The following CLASP1 variants were observed in gnomAD, a reference collection of about 807,000 sequenced individuals.
CLASP1 encodes CLIP-associating protein 1.
CLASP1 carries 38 observed loss-of-function variants against 192.3 expected under a neutral mutation model. The ratio of observed to expected loss-of-function variants is 0.20; its 90% CI spans 0.15 to 0.26. The LOEUF is 0.26. Ranked by LOEUF, CLASP1 falls within the 10% of genes least tolerant of loss-of-function variation. The pLI, the probability that CLASP1 is intolerant of heterozygous loss-of-function variation, is 1.00. For synonymous variants in CLASP1, 691 were observed against 712.8 expected (o/e 0.97, Z 0.49); for missense variants, 1,433 against 1,932.5 (o/e 0.74, Z 4.85).
At chr2:121,597,467 T>C (rs117373642) in intron 2 of CLASP1, among the ~76,000 whole-genome samples, 2,055 of 152,248 alleles carry the variant, frequency 0.013, 59 homozygotes, top group South Asian at 0.1. Flanking sequence ...AGAGAGATAG[T>C]GTGTATGTGT....
At chr2:121,460,398 A>G (rs1358575618) in intron 11 of CLASP1, among the ~76,000 whole-genome samples, 3 of 152,190 alleles carry the variant, frequency 2.0e-5, no homozygotes, top group African/African-American at 7.2e-5. Context: ...ATCTTAAAGT[A>G]TTTATAGATC....
intron 37 of CLASP1, among the ~76,000 whole-genome samples, chr2:121,353,937 C>T (rs1368587649): frequency 6.6e-6 from 1 of 152,132 alleles, no homozygotes; most frequent in African/African-American, 2.4e-5. Context: ...ATTACAGGCA[C>T]ACATAATATT....
chr2:121,444,236 G>A (rs753739674), intron 19 of CLASP1, among the ~76,000 whole-genome samples: 1 of 152,134 alleles, frequency 6.6e-6, no homozygotes, highest in Non-Finnish European at 1.5e-5. Context: ...ACAAAATAAA[G>A]TGGATCTGGA....
chr2:121,392,074 C>T (rs1338978226), intron 30 of CLASP1, among the ~76,000 whole-genome samples: 1 of 152,084 alleles, frequency 6.6e-6, no homozygotes, highest in Non-Finnish European at 1.5e-5. Context: ...TGTATTAATA[C>T]TTCTCCCTGC....
chr2:121,355,445 T>C (rs551764428), intron 37 of CLASP1, among the ~76,000 whole-genome samples: 4 of 152,204 alleles, frequency 2.6e-5, no homozygotes, highest in Non-Finnish European at 4.4e-5. Flanking sequence ...ATGTATCTAA[T>C]GTGGATGAGG....
chr2:121,449,007 A>G lies in CLASP1; in HGVS notation c.1637T>C (p.Ile546Thr). 1 of 1,613,982 alleles carries G rather than the reference A, an allele frequency of 6.2e-7. No individual in the cohort carries two copies. Among genetic ancestry groups the G allele is most frequent in the Non-Finnish European group, 8.5e-7 (1 of 1,179,862 alleles). The change falls in exon 17 of 40, where the codon ATA becomes ACA. Residue 546 changes from isoleucine to threonine, a missense_variant. Ile to Thr is a moderately conservative substitution (Grantham distance 89, BLOSUM62 -1). Around this residue, in one of 8 missense-constraint regions of CLASP1, gnomAD observed 445 missense variants for 535.5 expected, o/e 0.83. Coordinates refer to ENST00000263710, the Ensembl canonical transcript of CLASP1. ...GCGGTCTGACTGAGGCAGAGACACT[A>G]TGCTGTCTGAGTTCTTCAGGTGGGA... is the stretch of plus-strand genomic sequence containing the variant.
At position 121,360,854 on chromosome 2, in the gene CLASP1, C is replaced by T. The variant is rs75361295; in HGVS notation, c.4206+2318G>A. Among the ~76,000 whole-genome samples the T allele has an allele frequency of 6.3e-3, 964 of 152,220 alleles. 15 individuals are homozygous for T. The highest frequency in any genetic ancestry group is 0.022 in the African/African-American group (931 of 41,532). On this transcript the variant is annotated intron_variant, in intron 37 of 39. Coordinates refer to ENST00000263710, the Ensembl canonical transcript of CLASP1. ...ACAGCAGCATGGGGACCCTTGAACC[C>T]GAGTGCTGCTAAGTTTATTTTAAGC... is the stretch of plus-strand genomic sequence containing the variant.
intron 8 of CLASP1, among the ~76,000 whole-genome samples, chr2:121,496,516 A>C (rs1478061959): frequency 1.3e-5 from 2 of 152,234 alleles, no homozygotes; most frequent in African/African-American, 2.4e-5. Context: ...AAAAGAATCT[A>C]GTCATCTCAG....
intron 38 of CLASP1, among the ~76,000 whole-genome samples, chr2:121,348,085 G>A (rs530521734): frequency 2.6e-5 from 4 of 152,152 alleles, no homozygotes; most frequent in Non-Finnish European, 5.9e-5. Flanking sequence ...CTTTATGCCA[G>A]TCTGTCTCAC....
chr2:121,597,515 G>A (rs917018157), intron 2 of CLASP1, among the ~76,000 whole-genome samples: 1 of 151,994 alleles, frequency 6.6e-6, no homozygotes, highest in Non-Finnish European at 1.5e-5. Flanking sequence ...ATAGAATCCG[G>A]GGCAGCAACT....
At chr2:121,591,513 G>A (rs1173116205) in intron 2 of CLASP1, among the ~76,000 whole-genome samples, 1 of 152,130 alleles carries the variant, frequency 6.6e-6, no homozygotes, top group African/African-American at 2.4e-5. Flanking sequence ...GTCTTTCAAT[G>A]GCTTCGATTG....
intron 8 of CLASP1, among the ~76,000 whole-genome samples, chr2:121,475,194 T>C (rs1193564390): frequency 6.6e-6 from 1 of 152,178 alleles, no homozygotes; most frequent in Non-Finnish European, 1.5e-5. Flanking sequence ...GGATAAAAAG[T>C]GTATTTATTT....
chr2:121,430,021 T>G, intron 20 of CLASP1, 52 bp downstream of exon 20: 14 of 1,320,416 alleles, frequency 1.1e-5, no homozygotes, highest in African/African-American at 1.5e-5. Flanking sequence ...AACTGCAGAA[T>G]GAGCTGTTGA....
chr2:121,348,149 C>G (rs1264969701), intron 38 of CLASP1, among the ~76,000 whole-genome samples: 1 of 152,034 alleles, frequency 6.6e-6, no homozygotes, highest in Non-Finnish European at 1.5e-5. Context: ...CTGCATGAGA[C>G]CAAGGACCAT....
chr2:121,529,624 G>A (rs1445959246), intron 3 of CLASP1, among the ~76,000 whole-genome samples: 1 of 152,180 alleles, frequency 6.6e-6, no homozygotes, highest in East Asian at 1.9e-4. Flanking sequence ...GAATTTAGAG[G>A]TATTTAAATC....
rs982909181 is a variant in CLASP1, at chr2:121,527,717, C to T, written c.470+82G>A. 9.7e-5 allele frequency: 108 copies of T among 1,107,708 alleles called. 1 individual carries two copies. The highest frequency in any genetic ancestry group is 1.4e-4 in the Non-Finnish European group (106 of 754,918). The allele number at this position is 1,107,708 out of a possible 1,614,324, so 68.6% of individuals were successfully genotyped here. A position where few individuals can be genotyped will look rare whatever the true frequency, so the allele number is the denominator to read the frequency against. The stretch of plus-strand genomic sequence containing the variant: ...CTCACACTACACTTCTTTGCAACTT[C>T]CTGTAAATCTATAATTATTTCAAAA... On this transcript the variant is annotated intron_variant, in intron 5 of 39. Coordinates refer to ENST00000263710, the Ensembl canonical transcript of CLASP1.
At chr2:121,525,972 A>G (rs1454968115) in intron 5 of CLASP1, 52 bp from the exon 6 acceptor site, 5 of 1,371,174 alleles carry the variant, frequency 3.6e-6, no homozygotes, top group Non-Finnish European at 5.2e-6. Context: ...GAAAGAAAGA[A>G]AGATGCCTGT....
chr2:121,633,007 C>CATAT (rs71398038), intron 1 of CLASP1, among the ~76,000 whole-genome samples: 2,869 of 115,500 alleles, frequency 0.025, 95 homozygotes, highest in African/African-American at 0.045. Flanking sequence ...TATGTGTGTG[C>CATAT]ATATATATAT....
chr2:121,343,401 CAGA>C lies in CLASP1; in HGVS notation c.4531-2457_4531-2455del, dbSNP rs1367443965. On this transcript the variant is annotated intron_variant, in intron 39 of 39. Transcript: ENST00000263710. ...TCATAGCAGCATTATTCACAAGAGCCAGAAGGTGGAAGCAACCCAGGGTCTATC... is the reference window on the plus strand; with the variant it reads ...TCATAGCAGCATTATTCACAAGAGCCAGGTGGAAGCAACCCAGGGTCTATC... Among the ~76,000 whole-genome samples, 43 of 152,192 alleles carry C rather than the reference CAGA, an allele frequency of 2.8e-4. 1 individual carries two copies. The highest frequency in any genetic ancestry group is 1.0e-3 in the African/African-American group (43 of 41,524).
Sources: allele counts gnomAD v4.1 joint callset (sites outside exome capture counted in the v4.1 genomes callset), GRCh38; gene constraint gnomAD v4.1.1; regional missense constraint gnomAD v4.1.1; transcripts MANE v1.5; gene names NCBI Gene and HGNC (gene_info 2026-07-23, HGNC 2026-07-21).